Variants in ZSCAN31 observed in about 807,000 individuals in gnomAD.
ZSCAN31 encodes zinc finger and SCAN domain-containing protein 31.
Under a neutral mutation model 22.5 loss-of-function variants are expected in ZSCAN31, and 14 were observed. The ratio of observed to expected loss-of-function variants is 0.62; its 90% confidence interval spans 0.41 to 0.97. ZSCAN31 has a LOEUF of 0.97. ZSCAN31 is among the 50% of genes least tolerant of loss of function. The pLI is 0.00. For missense variants in ZSCAN31, 424 were observed against 483.4 expected (o/e 0.88, Z 1.15); for synonymous variants, 168 against 169.8 (o/e 0.99, Z 0.08).
rs1028179256 is a variant in ZSCAN31, at chr6:28,329,426, T to C, written c.258A>G (p.Gln86=). The change falls in exon 2 of 4, where the codon CAA becomes CAG. Residue 86 remains glutamine (Q), a synonymous_variant. Transcript: ENST00000344279. ...EQILELLVLE[Q]FLTILPEELQ... ...GCTCCTCAGGCAGGATAGTCAGGAA[T>C]TGCTCCAGCACCAGCAGCTCCAAGA... 44 of 1,614,076 alleles carry C rather than the reference T, an allele frequency of 2.7e-5. No homozygotes were observed. The highest frequency in any genetic ancestry group is 1.6e-4 in the Middle Eastern group (1 of 6,084).
intron 2 of ZSCAN31, among the ~76,000 whole-genome samples, chr6:28,327,908 C>T (rs1222375519): frequency 6.6e-6 from 1 of 152,000 alleles, no homozygotes; most frequent in Non-Finnish European, 1.5e-5. Context: ...TTTCCTTAAG[C>T]GTCAGCCAGC....
chr6:28,333,608 T>A lies in ZSCAN31; in HGVS notation c.-96+2474A>T, dbSNP rs1017357213. On this transcript the variant is annotated intron_variant, in intron 1 of 3. Coordinates refer to ENST00000344279, the MANE Select transcript of ZSCAN31 (RefSeq NM_030899.5). This position sits in a 1 kb window ranked among gnomAD's most constrained non-coding sequence, Gnocchi z 4.1. ...GTAACATTTAAGCCAAGCCCTTAAG[T>A]GCAAAAGAAGTGAGCCATACAGAAT... is the stretch of plus-strand genomic sequence containing the variant. 1.3e-5 allele frequency among the ~76,000 whole-genome samples: 2 copies of A among 151,968 alleles called. No homozygotes were observed. Among genetic ancestry groups the A allele is most frequent in the African/African-American group, 4.8e-5 (2 of 41,350 alleles).
chr6:28,352,656 TC>T (rs1280031928), intron 2 of ZSCAN31, among the ~76,000 whole-genome samples: 1 of 152,244 alleles, frequency 6.6e-6, no homozygotes, highest in Non-Finnish European at 1.5e-5. Flanking sequence ...CTCCTATATT[TC>T]ACCTGTACAC....
chr6:28,332,725 G>T (rs1320652621), intron 1 of ZSCAN31, among the ~76,000 whole-genome samples: 1 of 152,172 alleles, frequency 6.6e-6, no homozygotes, highest in Non-Finnish European at 1.5e-5. Flanking sequence ...AATACTAGAA[G>T]AAATATTCAA....
intron 1 of ZSCAN31, among the ~76,000 whole-genome samples, chr6:28,335,165 T>G (rs1262103865): frequency 6.6e-6 from 1 of 151,908 alleles, no homozygotes; most frequent in African/African-American, 2.4e-5. Context: ...AAGGGAAGGG[T>G]CCCTGGAGAG....
upstream of ZSCAN31, among the ~76,000 whole-genome samples, chr6:28,338,431 C>T (rs1013192181): frequency 7.9e-5 from 12 of 152,074 alleles, no homozygotes; most frequent in African/African-American, 2.4e-4. Flanking sequence ...CTTTACATCA[C>T]ATTACAATTT....
chr6:28,327,578 A>C, intron 2 of ZSCAN31, 45 bp from the exon 3 acceptor site: 1 of 1,584,190 alleles, frequency 6.3e-7, no homozygotes, highest in South Asian at 1.1e-5. Context: ...GGATTATAGG[A>C]GTACAAGCTA....
intron 1 of ZSCAN31, among the ~76,000 whole-genome samples, chr6:28,330,843 T>G (rs754505234): frequency 6.6e-6 from 1 of 152,128 alleles, no homozygotes; most frequent in Non-Finnish European, 1.5e-5. Context: ...GTATGGAATA[T>G]TGAAAGAATG....
intron 1 of ZSCAN31, among the ~76,000 whole-genome samples, chr6:28,334,011 A>G (rs1226285817): frequency 2.6e-5 from 4 of 152,186 alleles, no homozygotes. Flanking sequence ...GGTGAAGACT[A>G]TTGCACTGAA....
chr6:28,342,381 T>C (rs1350042775), intron 2 of ZSCAN31, among the ~76,000 whole-genome samples: 3 of 152,200 alleles, frequency 2.0e-5, no homozygotes, highest in Non-Finnish European at 4.4e-5. Context: ...TGCTTGAAGA[T>C]GATGTGCCTG....
At chr6:28,344,827 G>C (rs992273036) in intron 2 of ZSCAN31, among the ~76,000 whole-genome samples, 6 of 151,722 alleles carry the variant, frequency 4.0e-5, no homozygotes, top group African/African-American at 1.5e-4. Flanking sequence ...TGGTTTTTAG[G>C]GAACTAGAAG....
intron 2 of ZSCAN31, among the ~76,000 whole-genome samples, chr6:28,343,629 T>G (rs1002713742): frequency 6.8e-6 from 1 of 146,288 alleles, no homozygotes; most frequent in Non-Finnish European, 1.5e-5. Context: ...CTGCAAGCTC[T>G]GCCTCCCGGG....
intron 1 of ZSCAN31, among the ~76,000 whole-genome samples, chr6:28,332,936 T>C (rs1277227235): frequency 6.6e-6 from 1 of 152,162 alleles, no homozygotes; most frequent in Non-Finnish European, 1.5e-5. Flanking sequence ...ACATTTGGCA[T>C]TGGGAGATGA....
chr6:28,350,641 G>T (rs965883650), intron 2 of ZSCAN31, among the ~76,000 whole-genome samples: 1 of 152,140 alleles, frequency 6.6e-6, no homozygotes, highest in African/African-American at 2.4e-5. Flanking sequence ...TTAAAGATTT[G>T]CTTTTATTAG....
intron 2 of ZSCAN31, among the ~76,000 whole-genome samples, chr6:28,343,526 CTTTTTTTTTTTCTTTCT>C (rs1236918080): frequency 2.2e-5 from 3 of 135,642 alleles, no homozygotes; most frequent in Non-Finnish European, 4.8e-5. Context: ...ATTTTCTTTT[CTTTTTTTTTTTCTTTCT>C]TTTTTTTTTT....
rs1005789985 is a variant in ZSCAN31, at chr6:28,329,456, C to T, written c.228G>A (p.Glu76=). The change falls in exon 2 of 4, where the codon GAG becomes GAA. Residue 76 remains glutamate, a synonymous_variant. Transcript: ENST00000344279. ...CCAGCACCAGCAGCTCCAAGATTTG[C>T]TCTTTGGTGTGGATTTCTGGCCTTA... ...QWLRPEIHTK[E]QILELLVLEQ... 6.2e-7 allele frequency: 1 copy of T among 1,614,222 alleles called. No homozygotes were observed.
intron 2 of ZSCAN31, among the ~76,000 whole-genome samples, chr6:28,343,890 G>T (rs1247715219): frequency 6.6e-6 from 1 of 152,116 alleles, no homozygotes; most frequent in Non-Finnish European, 1.5e-5. Context: ...TGTAGTCATT[G>T]ATTTGGTAAA....
rs1301554743 is a variant in ZSCAN31, at chr6:28,349,562, T to G, written c.-371+4300A>C. Among the ~76,000 whole-genome samples, 1 of 152,180 alleles carries G rather than the reference T, an allele frequency of 6.6e-6. No homozygotes were observed. The highest frequency in any genetic ancestry group is 6.5e-5 in the Admixed American group (1 of 15,272). ...TTAGGCAATGCAATCAACTCTAAAA[T>G]TAAAAGTACATTTAAAACATGCACC... On this transcript the variant is annotated intron_variant, in intron 2 of 7. Transcript: ENST00000396838. This position sits in a 1 kb window ranked among gnomAD's most constrained non-coding sequence, Gnocchi z 4.1.
At position 28,325,966 on chromosome 6, in the gene ZSCAN31, G is replaced by T; in HGVS notation, c.*200C>A. ...CACAGGAGACACCAACACCTGGTTTGTAGACAAGTGGTTCAATGCAATACA... is the reference window on the plus strand; with the variant it reads ...CACAGGAGACACCAACACCTGGTTTTTAGACAAGTGGTTCAATGCAATACA... On this transcript the variant is annotated 3_prime_UTR_variant, in exon 4 of 4. Coordinates refer to ENST00000344279, the MANE Select transcript of ZSCAN31 (RefSeq NM_030899.5). 1 of 520,826 alleles carries T rather than the reference G, an allele frequency of 1.9e-6. No homozygotes were observed. The highest frequency in any genetic ancestry group is 3.2e-5 in the South Asian group (1 of 31,036). The allele number at this position is 520,826 out of a possible 1,614,324, so 32.3% of individuals were successfully genotyped here. A position where few individuals can be genotyped will look rare whatever the true frequency, so the allele number is the denominator to read the frequency against.
Sources: gnomAD v4.1 joint callset for allele counts (sites outside exome capture counted in the v4.1 genomes callset) on GRCh38, gnomAD v4.1.1 for gene constraint, Gnocchi (gnomAD v3.1) non-coding constraint, MANE v1.5 for transcripts, NCBI Gene and HGNC (gene_info 2026-07-23, HGNC 2026-07-21) for gene names.